SLCO3A1: variants seen among roughly 807,000 people sequenced by gnomAD.
SLCO3A1 encodes the protein PGE1 transporter.
In SLCO3A1, 27 loss-of-function variants were observed where a neutral mutation model predicts 63.1. That is an observed-to-expected ratio of 0.43 (90% confidence interval 0.32 to 0.59). The LOEUF is 0.59. Ranked by LOEUF, SLCO3A1 falls within the 20% of genes least tolerant of loss-of-function variation. The pLI is 0.09. For synonymous variants in SLCO3A1, 473 were observed against 409.9 expected (o/e 1.15, Z -1.86); for missense variants, 773 against 945.8 (o/e 0.82, Z 2.40).
At chr15:92,144,298 G>C (rs965198947) in intron 7 of SLCO3A1, among the ~76,000 whole-genome samples, 2 of 152,036 alleles carry the variant, frequency 1.3e-5, no homozygotes, top group African/African-American at 4.8e-5. Context: ...TCTCAGAGAC[G>C]TGGCTTTGAC....
intron 2 of SLCO3A1, among the ~76,000 whole-genome samples, chr15:91,965,932 A>G (rs79808175): frequency 0.031 from 4,652 of 152,236 alleles, 241 homozygotes; most frequent in African/African-American, 0.11. Flanking sequence ...GAGAAACTCA[A>G]ATAGGAGCCC....
intron 2 of SLCO3A1, among the ~76,000 whole-genome samples, chr15:92,020,951 G>T (rs2046501518): frequency 6.6e-6 from 1 of 152,194 alleles, no homozygotes; most frequent in Non-Finnish European, 1.5e-5. Context: ...CTTCATTGTT[G>T]TGTGATCTCA....
At chr15:92,106,464 T>C (rs927768585) in intron 4 of SLCO3A1, among the ~76,000 whole-genome samples, 2 of 152,172 alleles carry the variant, frequency 1.3e-5, no homozygotes, top group African/African-American at 2.4e-5. Flanking sequence ...CCATAGAAAG[T>C]GTCCTGGTAA....
chr15:91,983,883 C>T (rs117592037), intron 2 of SLCO3A1, among the ~76,000 whole-genome samples: 2,004 of 152,248 alleles, frequency 0.013, 22 homozygotes, highest in Non-Finnish European at 0.021. Flanking sequence ...CATAACATTG[C>T]TCTGATGTTG....
At chr15:92,042,108 G>A (rs2046807215) in intron 2 of SLCO3A1, among the ~76,000 whole-genome samples, 1 of 152,138 alleles carries the variant, frequency 6.6e-6, no homozygotes. Context: ...CTGCATTCTT[G>A]CCCTGTCCTC....
intron 2 of SLCO3A1, among the ~76,000 whole-genome samples, chr15:92,056,799 C>A (rs2047027359): frequency 6.6e-6 from 1 of 152,234 alleles, no homozygotes; most frequent in East Asian, 1.9e-4. Context: ...TATGGGAGTA[C>A]CTGGACTTCA....
exon 11 of SLCO3A1, chr15:92,171,901 A>T (rs2270061): frequency 0.36 from 526,648 of 1,464,668 alleles, 97,997 homozygotes; most frequent in African/African-American, 0.58. Flanking sequence ...AGAACAGCCC[A>T]CCACCACCCA....
chr15:92,170,781 A>G (rs184662346), downstream of SLCO3A1: 2 of 152,078 alleles, frequency 1.3e-5, no homozygotes, highest in East Asian at 3.9e-4. Context: ...CTTTCAAAAC[A>G]CTCCTCCTTC....
rs548254479 is a variant in SLCO3A1, at chr15:92,120,448, C to T, written c.1010-17C>T. 417 of 1,612,784 alleles carry T rather than the reference C, an allele frequency of 2.6e-4. 5 individuals carry two copies. The South Asian group carries it at 4.4e-3, about 17-fold the overall frequency. On this transcript the variant is annotated splice_polypyrimidine_tract_variant and intron_variant, in intron 4 of 9. Transcript: ENST00000318445. Reference sequence around the variant, plus strand: ...TGTGACCTTGACCCTGACCATCTGCCTTCTGTCTCCCTGCAGTGATCCCGA... The same window carrying T: ...TGTGACCTTGACCCTGACCATCTGCTTTCTGTCTCCCTGCAGTGATCCCGA...
At chr15:92,094,060 T>C (rs2047509880) in intron 2 of SLCO3A1, among the ~76,000 whole-genome samples, 1 of 152,202 alleles carries the variant, frequency 6.6e-6, no homozygotes, top group African/African-American at 2.4e-5. Flanking sequence ...GCTCAAGAAA[T>C]GTCTACCAAA....
chr15:92,120,708 T>C (rs2047853493), intron 5 of SLCO3A1, 79 bp downstream of exon 5: 22 of 1,298,808 alleles, frequency 1.7e-5, no homozygotes, highest in Non-Finnish European at 2.3e-5. Context: ...TACTGAGCCC[T>C]GCTGAAGAAC....
At chr15:91,964,743 GT>G (rs538771710) in intron 2 of SLCO3A1, among the ~76,000 whole-genome samples, 2,715 of 135,794 alleles carry the variant, frequency 0.02, 80 homozygotes, top group African/African-American at 0.069. Context: ...AAATTAGATA[GT>G]TTTTTTTTTT....
At chr15:92,031,439 A>G (rs2046647032) in intron 2 of SLCO3A1, among the ~76,000 whole-genome samples, 1 of 152,178 alleles carries the variant, frequency 6.6e-6, no homozygotes, top group African/African-American at 2.4e-5. Flanking sequence ...CCCAAATAAG[A>G]GGGCTGAGTT....
At chr15:91,953,411 G>T (rs879615396) in intron 2 of SLCO3A1, among the ~76,000 whole-genome samples, 13 of 152,176 alleles carry the variant, frequency 8.5e-5, no homozygotes, top group Non-Finnish European at 1.5e-4. Flanking sequence ...TGAACCACCA[G>T]AGGTGGTGAA....
In SLCO3A1 at chr15:92,163,158, T is replaced by G; in HGVS notation, c.*23T>G. The G allele has an allele frequency of 6.8e-7, 1 of 1,465,436 alleles. No individual in the cohort carries two copies. Among genetic ancestry groups the G allele is most frequent in the Non-Finnish European group, 9.0e-7 (1 of 1,111,222 alleles). The allele number at this position is 1,465,436 out of a possible 1,614,324, so 90.8% of individuals were successfully genotyped here. ...TAGTGACTAAAGGAGGGCTGAACTC[T>G]GTATTAGTAATCCAAGGGTCATTTT... On this transcript the variant is annotated 3_prime_UTR_variant, in exon 10 of 10. Coordinates refer to ENST00000318445, the MANE Select transcript of SLCO3A1 (RefSeq NM_013272.4).
intron 2 of SLCO3A1, among the ~76,000 whole-genome samples, chr15:91,952,146 G>A (rs77016612): frequency 0.031 from 4,744 of 152,118 alleles, 250 homozygotes; most frequent in African/African-American, 0.11. Flanking sequence ...TGTGCTTATC[G>A]GCTATTTGTA....
chr15:91,946,628 G>A (rs1029613846), intron 2 of SLCO3A1, among the ~76,000 whole-genome samples: 2 of 152,182 alleles, frequency 1.3e-5, no homozygotes, highest in South Asian at 2.1e-4. Flanking sequence ...ATAGGACTTC[G>A]TAGTATGGGT....
At position 91,966,640 on chromosome 15, in the gene SLCO3A1, C is replaced by G. The variant is rs140666562; in HGVS notation, c.646+50182C>G. Among the ~76,000 whole-genome samples, 1,224 of 152,300 alleles carry G rather than the reference C, an allele frequency of 8.0e-3. 10 individuals are homozygous for G. Among genetic ancestry groups the G allele is most frequent in the Non-Finnish European group, 0.014 (953 of 68,022 alleles). ...AGCAACAGGCAGTGATGATGATGTG[C>G]TTTCCAAATGCAAATTGTAGGAACA... On this transcript the variant is annotated intron_variant, in intron 2 of 9. Coordinates refer to ENST00000318445, the MANE Select transcript of SLCO3A1 (RefSeq NM_013272.4).
intron 2 of SLCO3A1, among the ~76,000 whole-genome samples, chr15:91,969,076 T>C (rs1049135487): frequency 6.6e-6 from 1 of 152,252 alleles, no homozygotes; most frequent in Non-Finnish European, 1.5e-5. Flanking sequence ...CATACACCTG[T>C]GTCCCCGCTA....
Sources: allele counts gnomAD v4.1 joint callset (sites outside exome capture counted in the v4.1 genomes callset), GRCh38; gene constraint gnomAD v4.1.1; transcripts MANE v1.5; gene names NCBI Gene and HGNC (gene_info 2026-07-23, HGNC 2026-07-21).